Variants in ARHGEF1 observed in about 807,000 individuals in gnomAD.
The protein encoded by ARHGEF1 is 115 kDa guanine nucleotide exchange factor.
Under a neutral mutation model 119.7 loss-of-function variants are expected in ARHGEF1, and 40 were observed. The observed-to-expected ratio is 0.33, with a 90% CI of 0.26 to 0.44. ARHGEF1 has a LOEUF of 0.44. Ranked by LOEUF, ARHGEF1 falls within the 20% of genes least tolerant of loss-of-function variation. The pLI is 1.00. For missense variants in ARHGEF1, 976 were observed against 1,268.3 expected (o/e 0.77, Z 3.50); for synonymous variants, 494 against 521.0 (o/e 0.95, Z 0.71).
rs1555849204 is a variant in ARHGEF1, at chr19:41,902,380, C to T, written c.1497+24C>T. ...GGGTGAGATGCCCAGCCCTCCCGCT[C>T]CTCCCAGCTAGACACATGGAATTCA... is the stretch of plus-strand genomic sequence containing the variant. On this transcript the variant is annotated intron_variant, in intron 16 of 28. Transcript: ENST00000354532. The surrounding 1 kb of genome is among the most constrained non-coding windows in gnomAD (Gnocchi z 6.5). 1 of 1,613,624 alleles carries T rather than the reference C, an allele frequency of 6.2e-7. No homozygotes were observed. Among genetic ancestry groups the T allele is most frequent in the Non-Finnish European group, 8.5e-7 (1 of 1,179,836 alleles).
chr19:41,908,781 C>T (rs782528528), downstream of ARHGEF1: 149 of 564,742 alleles, frequency 2.6e-4, no homozygotes, highest in Non-Finnish European at 3.6e-4. This position sits in a 1 kb window ranked among gnomAD's most constrained non-coding sequence, Gnocchi z 6.7. Flanking sequence ...CGCATCCCTC[C>T]TACATGGCAT....
Position 41,906,680 on chromosome 19 carries a change from A to C in ARHGEF1, c.2656-23A>C. ...GCTGGGGAAGGAAGGGGCCCCCCTC[A>C]TCCATGACCCCCACCCCACCAGGAG... On this transcript the variant is annotated intron_variant, in intron 27 of 28. Transcript: ENST00000354532. The surrounding 1 kb of genome is among the most constrained non-coding windows in gnomAD (Gnocchi z 4.5). 6.3e-7 allele frequency: 1 copy of C among 1,598,668 alleles called. No homozygotes were observed. The highest frequency in any genetic ancestry group is 1.7e-4 in the Middle Eastern group (1 of 5,970).
At chr19:41,924,705 G>C (rs1431499920) in intron 1 of ARHGEF1, among the ~76,000 whole-genome samples, 1 of 152,138 alleles carries the variant, frequency 6.6e-6, no homozygotes, top group Non-Finnish European at 1.5e-5. Context: ...GCGGGGAGCA[G>C]GTGTGGGGGT....
intron 18 of ARHGEF1, among the ~76,000 whole-genome samples, chr19:41,913,478 G>T (rs2145887080): frequency 6.7e-6 from 1 of 149,432 alleles, no homozygotes; most frequent in Non-Finnish European, 1.5e-5. Flanking sequence ...CAGCCCAGGC[G>T]CAGCCCTGAC....
In ARHGEF1 at chr19:41,892,184, TG is replaced by T. The variant is rs1296437093; in HGVS notation, c.324+62del. On this transcript the variant is annotated intron_variant, in intron 5 of 28. Coordinates refer to ENST00000354532, the MANE Select transcript of ARHGEF1 (RefSeq NM_004706.4). The surrounding 1 kb of genome is among the most constrained non-coding windows in gnomAD (Gnocchi z 6.3). ...CCTGTTTGGGCCTGCAGAGTCACCA[TG>T]CGGTCCCCAGCCTCTGCCCTGAGGG... 2 of 1,568,836 alleles carry T rather than the reference TG, an allele frequency of 1.3e-6. No homozygotes were observed. Among genetic ancestry groups the T allele is most frequent in the African/African-American group, 2.7e-5 (2 of 74,078 alleles).
chr19:41,928,473 C>T, intron 1 of ARHGEF1: 1 of 155,268 alleles, frequency 6.4e-6, no homozygotes, highest in South Asian at 1.9e-4. Context: ...TCTCCTCTTC[C>T]TCCTCTTCCT....
intron 14 of ARHGEF1, chr19:41,900,691 A>G (rs1470418485): frequency 3.3e-5 from 5 of 151,660 alleles, no homozygotes; most frequent in African/African-American, 1.2e-4. Flanking sequence ...CAGTTTTATC[A>G]CTGAAAGCCC....
In ARHGEF1 at chr19:41,892,812, G is replaced by T. The variant is rs782655474; in HGVS notation, c.577G>T (p.Val193Leu). 2 of 1,583,584 alleles carry T rather than the reference G, an allele frequency of 1.3e-6. No homozygotes were observed. Among genetic ancestry groups the T allele is most frequent in the African/African-American group, 1.3e-5 (1 of 74,592 alleles). Residue 193 changes from valine (V) to leucine (L), a missense_variant, in exon 7 of 29, where the codon GTG (valine) becomes TTG (leucine). Physicochemically the swap from Val to Leu is conservative, Grantham distance 32. Around this residue, in one of 3 missense-constraint regions of ARHGEF1, gnomAD observed 519 missense variants for 580.9 expected, o/e 0.89. Transcript: ENST00000354532. The surrounding 1 kb of genome is among the most constrained non-coding windows in gnomAD (Gnocchi z 6.3). ...CAGCTACGAGGCCCGGGAGCGGCACGTGGCGGAGCGGCTGCTCATGCACCT... is the reference window on the plus strand; with the variant it reads ...CAGCTACGAGGCCCGGGAGCGGCACTTGGCGGAGCGGCTGCTCATGCACCT... ...RASYEARERHVAERLLMHLEE... is the reference protein window; with the variant it reads ...RASYEARERHLAERLLMHLEE...
At chr19:41,907,588 G>C (rs894717653), downstream of ARHGEF1, 8 of 619,294 alleles carry the variant, frequency 1.3e-5, no homozygotes, top group East Asian at 3.0e-5. Flanking sequence ...TCATTTCTTT[G>C]TTTGAACCGT....
chr19:41,887,301 AT>A, intron 1 of ARHGEF1, among the ~76,000 whole-genome samples: 1 of 152,168 alleles, frequency 6.6e-6, no homozygotes, highest in East Asian at 1.9e-4. Flanking sequence ...CATGAGACAG[AT>A]TCAAGGGACA....
In ARHGEF1 at chr19:41,892,413, G is replaced by C. The variant is rs538969312; in HGVS notation, c.367+40G>C. ...GGGATGAGGGAGAGGTGTCTAGCGG[G>C]GACCACACCTCCCAGGAGGCCAAGG... On this transcript the variant is annotated intron_variant, in intron 6 of 28. Transcript: ENST00000354532. The surrounding 1 kb of genome is among the most constrained non-coding windows in gnomAD (Gnocchi z 6.3). 1 of 1,613,306 alleles carries C rather than the reference G, an allele frequency of 6.2e-7. No homozygotes were observed. The highest frequency in any genetic ancestry group is 1.1e-5 in the South Asian group (1 of 91,066).
chr19:41,909,975 G>T, downstream of ARHGEF1: 5 of 1,613,846 alleles, frequency 3.1e-6, no homozygotes, highest in Non-Finnish European at 4.2e-6. The surrounding 1 kb of genome is among the most constrained non-coding windows in gnomAD (Gnocchi z 5.2). Flanking sequence ...TAGTCCCCCT[G>T]CCAGGCTATG....
At position 41,892,975 on chromosome 19, in the gene ARHGEF1, G is replaced by A. The variant is rs1422357983; in HGVS notation, c.614+126G>A. 1.5e-6 allele frequency: 2 copies of A among 1,345,312 alleles called. No homozygotes were observed. Among genetic ancestry groups the A allele is most frequent in the African/African-American group, 2.9e-5 (2 of 67,906 alleles). The allele number at this position is 1,345,312 out of a possible 1,614,324, so 83.3% of individuals were successfully genotyped here. Reference sequence around the variant, plus strand: ...GGGTCAGAGTTCATTTCTTGGCACTGGGGGTCTTCCTCTACCCTGGTGTTT... The same window carrying A: ...GGGTCAGAGTTCATTTCTTGGCACTAGGGGTCTTCCTCTACCCTGGTGTTT... On this transcript the variant is annotated intron_variant, in intron 7 of 28. Transcript: ENST00000354532. The surrounding 1 kb of genome is among the most constrained non-coding windows in gnomAD (Gnocchi z 6.3).
rs782057100 is a variant in ARHGEF1, at chr19:41,884,471, G to T, written c.-20+1182G>T. On this transcript the variant is annotated intron_variant, in intron 1 of 28. Coordinates refer to ENST00000354532, the MANE Select transcript of ARHGEF1 (RefSeq NM_004706.4). ...GGCTTCGGTTCCGGTGGCGGCGATG[G>T]CTTCTCTTTCCACCTGGAGCAGGTG... The T allele has an allele frequency of 3.1e-6, 5 of 1,607,430 alleles. No homozygotes were observed. In the South Asian group the frequency reaches 3.3e-5, roughly 11 times the overall value.
intron 8 of ARHGEF1, 74 bp from the exon 9 acceptor site, chr19:41,894,133 T>TGA (rs1224060206): frequency 1.1e-5 from 9 of 803,498 alleles, no homozygotes; most frequent in Non-Finnish European, 1.4e-5. Context: ...AGTGTGTGTG[T>TGA]GAGTGTGTGT....
In ARHGEF1 at chr19:41,907,372, A is replaced by G; in HGVS notation, c.*285A>G. 6.5e-7 allele frequency: 1 copy of G among 1,532,086 alleles called. No individual in the cohort carries two copies. The highest frequency in any genetic ancestry group is 8.7e-7 in the Non-Finnish European group (1 of 1,144,412). The allele number at this position is 1,532,086 out of a possible 1,614,324, so 94.9% of individuals were successfully genotyped here. On this transcript the variant is annotated 3_prime_UTR_variant, in exon 29 of 29. Coordinates refer to ENST00000354532, the MANE Select transcript of ARHGEF1 (RefSeq NM_004706.4). Reference sequence around the variant, plus strand: ...TATTGCCTGTGGGGGCCACCCCTCCACCCCCACCCCCAAGTGCCTTCGCTC... The same window carrying G: ...TATTGCCTGTGGGGGCCACCCCTCCGCCCCCACCCCCAAGTGCCTTCGCTC...
At chr19:41,910,820 C>T (rs112201891), downstream of ARHGEF1, among the ~76,000 whole-genome samples, 303 of 152,262 alleles carry the variant, frequency 2.0e-3, no homozygotes, top group African/African-American at 6.8e-3. This position sits in a 1 kb window ranked among gnomAD's most constrained non-coding sequence, Gnocchi z 4.4. Context: ...ACAGGCACAC[C>T]GGAGTGCCAC....
At chr19:41,921,502 G>A (rs1444068372), upstream of ARHGEF1, among the ~76,000 whole-genome samples, 2 of 152,058 alleles carry the variant, frequency 1.3e-5, no homozygotes, top group Non-Finnish European at 2.9e-5. This position sits in a 1 kb window ranked among gnomAD's most constrained non-coding sequence, Gnocchi z 4.4. Flanking sequence ...GAGAGAGACA[G>A]AGACAGAGAG....
At chr19:41,891,789 A>G (rs1054456538) in intron 4 of ARHGEF1, among the ~76,000 whole-genome samples, 1 of 152,196 alleles carries the variant, frequency 6.6e-6, no homozygotes, top group African/African-American at 2.4e-5. Flanking sequence ...AGAACCACAA[A>G]GGACCATAGC....
Sources: allele counts gnomAD v4.1 joint callset (sites outside exome capture counted in the v4.1 genomes callset), GRCh38; gene constraint gnomAD v4.1.1; regional missense constraint gnomAD v4.1.1; non-coding constraint Gnocchi (gnomAD v3.1); transcripts MANE v1.5; gene names NCBI Gene and HGNC (gene_info 2026-07-23, HGNC 2026-07-21).